Variants in KCNT2 observed in about 807,000 individuals in gnomAD.
The protein encoded by KCNT2 is potassium sodium-activated channel subfamily T member 2.
KCNT2 carries 67 observed loss-of-function variants against 153.8 expected under a neutral mutation model. The observed-to-expected ratio is 0.44, with a 90% CI of 0.36 to 0.53. The LOEUF (loss-of-function observed/expected upper bound fraction) is 0.53. KCNT2 is among the 20% of genes least tolerant of loss of function. KCNT2 has a pLI of 0.00. For missense variants in KCNT2, 975 were observed against 1,354.8 expected (o/e 0.72, Z 4.40); for synonymous variants, 500 against 458.8 (o/e 1.09, Z -1.15).
chr1:196,353,239 T>C (rs575484193), intron 14 of KCNT2, among the ~76,000 whole-genome samples: 20 of 152,112 alleles, frequency 1.3e-4, no homozygotes, highest in African/African-American at 4.6e-4. Flanking sequence ...AAATGAGATA[T>C]TAGTTCCTAC....
At chr1:196,326,599 T>C (rs932863066) in intron 19 of KCNT2, 118 bp downstream of exon 19, 3 of 518,932 alleles carry the variant, frequency 5.8e-6, no homozygotes, top group Non-Finnish European at 9.8e-6. Context: ...ATGAATCATG[T>C]ACCATAATGT....
At chr1:196,501,720 A>G (rs1445105267) in intron 1 of KCNT2, among the ~76,000 whole-genome samples, 2 of 152,210 alleles carry the variant, frequency 1.3e-5, no homozygotes, top group Non-Finnish European at 2.9e-5. Context: ...CAAGAAAACT[A>G]CACTTGTTCC....
intron 22 of KCNT2, among the ~76,000 whole-genome samples, chr1:196,295,042 AT>A (rs2147935560): frequency 6.6e-6 from 1 of 151,660 alleles, no homozygotes; most frequent in Admixed American, 6.6e-5. Context: ...TGAAGAGTTG[AT>A]TTTAAATCTT....
intron 1 of KCNT2, among the ~76,000 whole-genome samples, chr1:196,575,673 C>T (rs935176555): frequency 1.3e-5 from 2 of 150,684 alleles, no homozygotes; most frequent in South Asian, 2.1e-4. Flanking sequence ...ATCATTAGCT[C>T]GAACTGTCTT....
intron 14 of KCNT2, among the ~76,000 whole-genome samples, chr1:196,343,277 C>T (rs1374782086): frequency 6.6e-6 from 1 of 152,148 alleles, no homozygotes; most frequent in African/African-American, 2.4e-5. Context: ...TCTGCGCTGC[C>T]CGCCTAACTC....
intron 25 of KCNT2, among the ~76,000 whole-genome samples, chr1:196,269,401 A>C (rs1015593902): frequency 1.3e-5 from 2 of 152,104 alleles, no homozygotes; most frequent in African/African-American, 4.8e-5. Flanking sequence ...CCTACACACT[A>C]CAAGGTAGGC....
At chr1:196,488,373 T>C (rs922184720) in intron 3 of KCNT2, among the ~76,000 whole-genome samples, 3 of 152,020 alleles carry the variant, frequency 2.0e-5, no homozygotes, top group Non-Finnish European at 4.4e-5. Context: ...ACCATAAATA[T>C]TTTTTAATTA....
At chr1:196,511,542 G>T (rs1681631940) in intron 1 of KCNT2, among the ~76,000 whole-genome samples, 1 of 152,142 alleles carries the variant, frequency 6.6e-6, no homozygotes, top group Non-Finnish European at 1.5e-5. Flanking sequence ...TAATTAGTTT[G>T]CTAGGGCTGC....
chr1:196,256,137 C>T (rs1656464674), intron 26 of KCNT2, among the ~76,000 whole-genome samples: 1 of 151,864 alleles, frequency 6.6e-6, no homozygotes, highest in Non-Finnish European at 1.5e-5. Flanking sequence ...CCATATTTTT[C>T]CTCAACAACT....
At chr1:196,320,361 A>G (rs932698525) in intron 19 of KCNT2, among the ~76,000 whole-genome samples, 1 of 151,872 alleles carries the variant, frequency 6.6e-6, no homozygotes, top group Admixed American at 6.6e-5. Flanking sequence ...ATGCAAAAGA[A>G]TATCCTGTTA....
intron 22 of KCNT2, among the ~76,000 whole-genome samples, chr1:196,303,873 G>C (rs1004154397): frequency 1.3e-5 from 2 of 152,146 alleles, no homozygotes; most frequent in African/African-American, 4.8e-5. Flanking sequence ...TGCCAGCACG[G>C]ATTCCTGCTG....
chr1:196,366,456 G>A (rs1668054977), intron 14 of KCNT2, among the ~76,000 whole-genome samples: 1 of 152,092 alleles, frequency 6.6e-6, no homozygotes, highest in African/African-American at 2.4e-5. Context: ...ACCACACCCG[G>A]CTTTTGCTTG....
chr1:196,242,947 C>G (rs114001449), intron 26 of KCNT2, among the ~76,000 whole-genome samples: 1 of 152,086 alleles, frequency 6.6e-6, no homozygotes, highest in Non-Finnish European at 1.5e-5. Context: ...AAGAAATTAA[C>G]TAATCCCAAG....
At chr1:196,522,665 A>G (rs1653596688) in intron 1 of KCNT2, among the ~76,000 whole-genome samples, 1 of 152,210 alleles carries the variant, frequency 6.6e-6, no homozygotes, top group Non-Finnish European at 1.5e-5. Context: ...CGCACCAATC[A>G]GTGCTCTGTG....
intron 1 of KCNT2, among the ~76,000 whole-genome samples, chr1:196,557,453 T>A (rs1189030016): frequency 4.6e-5 from 7 of 151,202 alleles, no homozygotes; most frequent in Non-Finnish European, 8.9e-5. Context: ...AGGAATCTAA[T>A]GGTCTCAGTG....
At chr1:196,425,351 C>G (rs1013748606) in intron 11 of KCNT2, among the ~76,000 whole-genome samples, 1 of 151,936 alleles carries the variant, frequency 6.6e-6, no homozygotes, top group Non-Finnish European at 1.5e-5. Flanking sequence ...TTCCTCTAGT[C>G]CATGGCAACC....
At chr1:196,379,555 C>T (rs1158969772) in intron 13 of KCNT2, among the ~76,000 whole-genome samples, 1 of 144,208 alleles carries the variant, frequency 6.9e-6, no homozygotes, top group African/African-American at 2.6e-5. Context: ...CTAGGTAATA[C>T]AGTGAGACTT....
At chr1:196,408,471 T>G (rs1273280853) in intron 12 of KCNT2, among the ~76,000 whole-genome samples, 1 of 151,654 alleles carries the variant, frequency 6.6e-6, no homozygotes, top group African/African-American at 2.4e-5. Flanking sequence ...GAAAACACTT[T>G]CAAAGTCCAT....
intron 20 of KCNT2, among the ~76,000 whole-genome samples, chr1:196,316,667 A>T (rs553976820): frequency 6.6e-6 from 1 of 151,818 alleles, no homozygotes; most frequent in South Asian, 2.1e-4. Flanking sequence ...CTTTGGCTGG[A>T]TGAAGTAATT....
Sources: allele counts gnomAD v4.1 joint callset (sites outside exome capture counted in the v4.1 genomes callset), GRCh38; gene constraint gnomAD v4.1.1; transcripts MANE v1.5; gene names NCBI Gene and HGNC (gene_info 2026-07-23, HGNC 2026-07-21).